TNNI3K: variants seen among roughly 807,000 people sequenced by gnomAD.
TNNI3K encodes TNNI3 interacting kinase, also known as serine/threonine-protein kinase TNNI3K.
In TNNI3K, 140 loss-of-function variants were observed where a neutral mutation model predicts 114.5. The observed-to-expected ratio is 1.22, with a 90% CI of 1.07 to 1.41. TNNI3K has a LOEUF of 1.41. Ranked by LOEUF, TNNI3K falls within the 40% of genes most tolerant of loss-of-function variation. TNNI3K has a pLI of 0.00. For missense variants in TNNI3K, 1,125 were observed against 1,007.6 expected (o/e 1.12, Z -1.58); for synonymous variants, 347 against 347.5 (o/e 1.00, Z 0.02).
At chr1:74,251,396 T>C (rs1048800735) in intron 4 of TNNI3K, among the ~76,000 whole-genome samples, 9 of 72,018 alleles carry the variant, frequency 1.2e-4, no homozygotes, top group African/African-American at 3.5e-4. Flanking sequence ...GATCATTTTA[T>C]AATTATAATA....
At chr1:74,290,708 C>G (rs538604965) in intron 5 of TNNI3K, among the ~76,000 whole-genome samples, 204 of 151,646 alleles carry the variant, frequency 1.3e-3, no homozygotes, top group African/African-American at 4.8e-3. Context: ...TTTTTTCTTT[C>G]TTTTTAGTTT....
intron 2 of TNNI3K, among the ~76,000 whole-genome samples, chr1:74,247,442 C>T (rs1021434613): frequency 3.3e-5 from 5 of 152,086 alleles, no homozygotes; most frequent in South Asian, 2.1e-4. Context: ...TTGCAAAAAG[C>T]GAAAGAACAA....
At chr1:74,368,667 T>C (rs1207764001) in intron 13 of TNNI3K, among the ~76,000 whole-genome samples, 1 of 151,794 alleles carries the variant, frequency 6.6e-6, no homozygotes, top group Non-Finnish European at 1.5e-5. Context: ...AGATCAGGAA[T>C]AGACCTTCAG....
At chr1:74,346,170 C>A (rs1660989768) in intron 9 of TNNI3K, 1 of 152,128 alleles carries the variant, frequency 6.6e-6, no homozygotes, top group Non-Finnish European at 1.5e-5. Context: ...GGTCAAAGAA[C>A]TTGTCCAAGA....
At chr1:74,370,190 G>T in intron 16 of TNNI3K, 98 bp from the exon 17 acceptor site, 1 of 1,061,118 alleles carries the variant, frequency 9.4e-7, no homozygotes, top group Admixed American at 3.4e-5. Flanking sequence ...ACAAAAAATG[G>T]TTAAGATGAT....
chr1:74,436,423 C>T (rs112773402), intron 18 of TNNI3K, 51 bp from the exon 19 acceptor site: 1 of 1,527,376 alleles, frequency 6.5e-7, no homozygotes, highest in Admixed American at 2.4e-5. Flanking sequence ...GATCTTTTAC[C>T]TTGGTTTTAA....
chr1:74,358,593 A>G (rs1661783344), intron 11 of TNNI3K, among the ~76,000 whole-genome samples: 1 of 151,752 alleles, frequency 6.6e-6, no homozygotes, highest in Non-Finnish European at 1.5e-5. Flanking sequence ...TAGATTATGA[A>G]CTCTCAGGCT....
At chr1:74,257,067 T>C (rs1366854321) in intron 4 of TNNI3K, among the ~76,000 whole-genome samples, 1 of 152,180 alleles carries the variant, frequency 6.6e-6, no homozygotes, top group Non-Finnish European at 1.5e-5. Context: ...GTCTGCTTTT[T>C]TTCTTCCTTC....
At chr1:74,539,111 A>G (rs954263474) in intron 23 of TNNI3K, among the ~76,000 whole-genome samples, 3 of 152,186 alleles carry the variant, frequency 2.0e-5, no homozygotes, top group Non-Finnish European at 2.9e-5. Context: ...CAAAAGCCCA[A>G]AGAGGAAAAG....
intron 20 of TNNI3K, among the ~76,000 whole-genome samples, chr1:74,448,207 A>T (rs1294104232): frequency 8.3e-6 from 1 of 120,456 alleles, no homozygotes; most frequent in Non-Finnish European, 1.7e-5. Flanking sequence ...ACATGTATAC[A>T]TATGTAACTA....
At chr1:74,507,400 T>G (rs561832257) in intron 23 of TNNI3K, among the ~76,000 whole-genome samples, 1 of 152,288 alleles carries the variant, frequency 6.6e-6, no homozygotes, top group African/African-American at 2.4e-5. Context: ...ATTATTGTAA[T>G]TATTGATGTC....
At chr1:74,307,442 A>G (rs1234222720) in intron 5 of TNNI3K, among the ~76,000 whole-genome samples, 1 of 152,152 alleles carries the variant, frequency 6.6e-6, no homozygotes, top group Admixed American at 6.6e-5. Context: ...ATGGAGAAAG[A>G]TCTGTCAAGC....
intron 17 of TNNI3K, among the ~76,000 whole-genome samples, chr1:74,433,167 C>T (rs899923096): frequency 1.3e-5 from 2 of 152,020 alleles, no homozygotes; most frequent in Admixed American, 1.3e-4. Flanking sequence ...CTCTTGAACT[C>T]ACCTTTAATA....
chr1:74,372,100 A>G (rs1306976173), intron 17 of TNNI3K: 1 of 13,078 alleles, frequency 7.6e-5, no homozygotes, highest in Non-Finnish European at 1.7e-3. Flanking sequence ...AAGAAAAAAA[A>G]AAAAAAAAAA....
intron 17 of TNNI3K, among the ~76,000 whole-genome samples, chr1:74,424,923 G>A (rs1244662410): frequency 1.3e-5 from 2 of 152,018 alleles, no homozygotes; most frequent in African/African-American, 4.8e-5. Flanking sequence ...TGAGATCTGT[G>A]CAAAGAGAAA....
intron 23 of TNNI3K, among the ~76,000 whole-genome samples, chr1:74,536,037 A>C (rs1190497799): frequency 1.3e-5 from 2 of 152,132 alleles, no homozygotes; most frequent in African/African-American, 4.8e-5. Context: ...TGTTTTTCTA[A>C]GAGTGCAGAA....
intron 23 of TNNI3K, among the ~76,000 whole-genome samples, chr1:74,504,634 C>A (rs1028212233): frequency 8.6e-5 from 13 of 151,670 alleles, no homozygotes; most frequent in African/African-American, 3.2e-4. Context: ...AAAATTGACA[C>A]CTTTAAAAAA....
intron 20 of TNNI3K, among the ~76,000 whole-genome samples, chr1:74,445,310 G>T (rs550316662): frequency 7.0e-6 from 1 of 143,086 alleles, no homozygotes; most frequent in Non-Finnish European, 1.5e-5. Flanking sequence ...GTGCTGGTGC[G>T]CTGCACCCAC....
At chr1:74,371,692 G>T (rs115828763) in intron 17 of TNNI3K, 2 of 151,724 alleles carry the variant, frequency 1.3e-5, no homozygotes, top group East Asian at 3.9e-4. Flanking sequence ...CTGGAAAAAG[G>T]TATAGAAAAA....
Sources: gnomAD v4.1 joint callset for allele counts (sites outside exome capture counted in the v4.1 genomes callset) on GRCh38, gnomAD v4.1.1 for gene constraint, MANE v1.5 for transcripts, NCBI Gene and HGNC (gene_info 2026-07-23, HGNC 2026-07-21) for gene names.